The following OSBPL3 variants were observed in gnomAD, a reference collection of about 807,000 sequenced individuals.
The protein encoded by OSBPL3 is oxysterol binding protein like 3, also known as oxysterol-binding protein-related protein 3.
OSBPL3 carries 65 observed loss-of-function variants against 120.1 expected under a neutral mutation model. The observed-to-expected ratio is 0.54, with a 90% CI of 0.44 to 0.67. The LOEUF (loss-of-function observed/expected upper bound fraction) is 0.67, where lower values mean the gene tolerates loss of function less well. Among genes scored for constraint, OSBPL3 ranks in the 30% least tolerant of loss-of-function variants. The probability of loss-of-function intolerance (pLI) is 0.00; values close to 1 mark genes in which losing one functional copy is unlikely to be tolerated. For synonymous variants in OSBPL3, 416 were observed against 402.6 expected, an observed-to-expected ratio of 1.03 and a Z score of -0.40; for missense variants, 1,004 against 1,082.1, an observed-to-expected ratio of 0.93 and a Z score of 1.01.
chr7:24,845,200 T>C (rs1325951827), intron 12 of OSBPL3, among the ~76,000 whole-genome samples: 2 of 151,822 alleles, frequency 1.3e-5, no homozygotes, highest in Non-Finnish European at 2.9e-5. Flanking sequence ...CTGCATACCA[T>C]AATTTAGAAA....
At position 24,900,000 on chromosome 7, in the gene OSBPL3, T is replaced by C. The variant is rs1806750899; in HGVS notation, c.-149-7379A>G. On this transcript the variant is annotated intron_variant, in intron 1 of 22. Transcript: ENST00000313367. This position sits in a 1 kb window ranked among gnomAD's most constrained non-coding sequence, Gnocchi z 4.0. ...ATTTGACTCCAAGCCAATCCTTCTATTTGTGTATGTGTGACGTGGCAGAGG... is the reference window on the plus strand; with the variant it reads ...ATTTGACTCCAAGCCAATCCTTCTACTTGTGTATGTGTGACGTGGCAGAGG... 6.6e-6 allele frequency among the ~76,000 whole-genome samples: 1 copy of C among 152,204 alleles called. No homozygotes were observed. Among genetic ancestry groups the C allele is most frequent in the African/African-American group, 2.4e-5 (1 of 41,438 alleles).
At position 24,818,101 on chromosome 7, in the gene OSBPL3, T is replaced by C. The variant is rs1794690542; in HGVS notation, c.1949-1413A>G. Among the ~76,000 whole-genome samples, 1 of 152,114 alleles carries C rather than the reference T, an allele frequency of 6.6e-6. No individual in the cohort carries two copies. Among genetic ancestry groups the C allele is most frequent in the African/African-American group, 2.4e-5 (1 of 41,406 alleles). ...ATTGTTTAATCCTATTTATATAAAA[T>C]GCCCCAAACAGGCACATTTATAGGC... On this transcript the variant is annotated intron_variant, in intron 17 of 22. Transcript: ENST00000313367. This position sits in a 1 kb window ranked among gnomAD's most constrained non-coding sequence, Gnocchi z 4.0.
intron 1 of OSBPL3, among the ~76,000 whole-genome samples, chr7:24,895,912 C>G (rs1256510035): frequency 6.6e-6 from 1 of 152,176 alleles, no homozygotes; most frequent in Non-Finnish European, 1.5e-5. Flanking sequence ...GAATGTTACA[C>G]TTGCAAATAC....
chr7:24,865,476 G>A lies in OSBPL3; in HGVS notation c.550-11C>T, dbSNP rs377035876. ...TGATATACTGCTACGCTGTTCCACG[G>A]ATGACAAAAGCACATTGTAAATGGA... On this transcript the variant is annotated splice_polypyrimidine_tract_variant and intron_variant, in intron 6 of 22. Transcript: ENST00000313367. 1 of 1,612,336 alleles carries A rather than the reference G, an allele frequency of 6.2e-7. No homozygotes were observed. Among genetic ancestry groups the A allele is most frequent in the Non-Finnish European group, 8.5e-7 (1 of 1,179,098 alleles).
Position 24,800,865 on chromosome 7 carries a change from T to C in OSBPL3, c.2568-586A>G, listed in dbSNP as rs116191448. Among the ~76,000 whole-genome samples, 589 of 151,928 alleles carry C rather than the reference T, an allele frequency of 3.9e-3. 1 individual carries two copies. The highest frequency in any genetic ancestry group is 0.014 in the African/African-American group (564 of 41,410). Reference sequence around the variant, plus strand: ...TGTCATATACAAAACATAACTTGCATGACTGTCAGCACCTTGGGAATGACT... The same window carrying C: ...TGTCATATACAAAACATAACTTGCACGACTGTCAGCACCTTGGGAATGACT... On this transcript the variant is annotated intron_variant, in intron 22 of 22. Transcript: ENST00000313367.
In OSBPL3 at chr7:24,936,514, A is replaced by C. The variant is rs903862740; in HGVS notation, c.-150+43372T>G. 6.6e-5 allele frequency among the ~76,000 whole-genome samples: 10 copies of C among 152,228 alleles called. No homozygotes were observed. Among genetic ancestry groups the C allele is most frequent in the African/African-American group, 2.4e-4 (10 of 41,450 alleles). On this transcript the variant is annotated intron_variant, in intron 1 of 22. Transcript: ENST00000313367. This position sits in a 1 kb window ranked among gnomAD's most constrained non-coding sequence, Gnocchi z 4.2. ...CCTGGGAGTATATGGAGAAGTAAAC[A>C]GCCAATTCTGTCTAGGAGTGGGAAA... is the stretch of plus-strand genomic sequence containing the variant.
chr7:24,944,498 C>T (rs911614515), intron 1 of OSBPL3, among the ~76,000 whole-genome samples: 10 of 152,014 alleles, frequency 6.6e-5, no homozygotes, highest in Admixed American at 5.9e-4. Context: ...GGCATGGTGG[C>T]ACGTACCTGT....
Position 24,932,542 on chromosome 7 carries a change from G to A in OSBPL3, c.-149-39921C>T, listed in dbSNP as rs555683202. 6.6e-6 allele frequency among the ~76,000 whole-genome samples: 1 copy of A among 152,102 alleles called. No homozygotes were observed. Among genetic ancestry groups the A allele is most frequent in the Non-Finnish European group, 1.5e-5 (1 of 68,010 alleles). ...GAGGTGATTAGGTCATGAAGGCAGA[G>A]CCCTCATGAATGGGACTAGTGCCCT... On this transcript the variant is annotated intron_variant, in intron 1 of 22. Transcript: ENST00000313367. The surrounding 1 kb of genome is among the most constrained non-coding windows in gnomAD (Gnocchi z 5.6).
Position 24,885,574 on chromosome 7 carries a change from G to A in OSBPL3, c.96+6803C>T, listed in dbSNP as rs549890552. 2.6e-5 allele frequency among the ~76,000 whole-genome samples: 4 copies of A among 152,304 alleles called. No individual in the cohort carries two copies. The South Asian group carries it at 8.3e-4, about 32-fold the overall frequency. ...TAGATCTCTCCATTTCAAAACCCCT[G>A]CAATCATGAGTGAAGCACTTGTCAA... On this transcript the variant is annotated intron_variant, in intron 2 of 22. Coordinates refer to ENST00000313367, the MANE Select transcript of OSBPL3 (RefSeq NM_015550.4).
At position 24,849,300 on chromosome 7, in the gene OSBPL3, C is replaced by T. The variant is rs890721882; in HGVS notation, c.1159-124G>A. The T allele has an allele frequency of 1.4e-5, 9 of 664,844 alleles. No individual in the cohort carries two copies. Among genetic ancestry groups the T allele is most frequent in the Admixed American group, 2.9e-5 (1 of 34,326 alleles). 41.2% of individuals were successfully genotyped at this position (664,844 alleles called of 1,614,324 possible). A position where few individuals can be genotyped will look rare whatever the true frequency, so the allele number is the denominator to read the frequency against. On this transcript the variant is annotated intron_variant, in intron 11 of 22. Coordinates refer to ENST00000313367, the MANE Select transcript of OSBPL3 (RefSeq NM_015550.4). The surrounding 1 kb of genome is among the most constrained non-coding windows in gnomAD (Gnocchi z 5.4). ...AACTCTTAGTGACGTGGTCTGACAG[C>T]GCACTTTCTGGACTTTTTCCTTGAA... is the stretch of plus-strand genomic sequence containing the variant.
Position 24,806,097 on chromosome 7 carries a change from C to T in OSBPL3, c.2444+679G>A, listed in dbSNP as rs1269361819. Reference sequence around the variant, plus strand: ...TCAGCCTCCCAAGTAGTTGGGACTACGGGCATGTGCCACCACGCCTGGCTA... The same window carrying T: ...TCAGCCTCCCAAGTAGTTGGGACTATGGGCATGTGCCACCACGCCTGGCTA... On this transcript the variant is annotated intron_variant, in intron 21 of 22. Coordinates refer to ENST00000313367, the MANE Select transcript of OSBPL3 (RefSeq NM_015550.4). The surrounding 1 kb of genome is among the most constrained non-coding windows in gnomAD (Gnocchi z 5.2). 1.3e-5 allele frequency among the ~76,000 whole-genome samples: 2 copies of T among 152,296 alleles called. No individual in the cohort carries two copies. Among genetic ancestry groups the T allele is most frequent in the Non-Finnish European group, 1.5e-5 (1 of 68,024 alleles).
Position 24,808,549 on chromosome 7 carries a change from T to TA in OSBPL3, c.2317+1257dup, listed in dbSNP as rs1436332614. ...AAAATCTCATGCTTGCCTCTGAAGC[T>TA]AGGAAGGCTTCCACTGGTGCCAATT... On this transcript the variant is annotated intron_variant, in intron 20 of 22. Transcript: ENST00000313367. The surrounding 1 kb of genome is among the most constrained non-coding windows in gnomAD (Gnocchi z 4.6). 6.6e-6 allele frequency among the ~76,000 whole-genome samples: 1 copy of TA among 152,184 alleles called. No homozygotes were observed. Among genetic ancestry groups the TA allele is most frequent in the Non-Finnish European group, 1.5e-5 (1 of 68,032 alleles).
chr7:24,917,210 G>T lies in OSBPL3; in HGVS notation c.-149-24589C>A, dbSNP rs6961023. On this transcript the variant is annotated intron_variant, in intron 1 of 22. Transcript: ENST00000313367. ...CATGTTTTCCATAGGTCATCCTCCT[G>T]CCTCTTCCTTGTTCTCCATCTTAAG... 4.1e-3 allele frequency among the ~76,000 whole-genome samples: 617 copies of T among 151,690 alleles called. 3 individuals carry two copies. The highest frequency in any genetic ancestry group is 0.014 in the Middle Eastern group (4 of 292).
intron 14 of OSBPL3, among the ~76,000 whole-genome samples, chr7:24,838,571 T>G (rs745531472): frequency 6.6e-6 from 1 of 152,154 alleles, no homozygotes; most frequent in Non-Finnish European, 1.5e-5. Context: ...AGCTCTAACC[T>G]CTAAGCTTTT....
chr7:24,931,755 A>AG (rs1811818854), intron 1 of OSBPL3, among the ~76,000 whole-genome samples: 1 of 152,168 alleles, frequency 6.6e-6, no homozygotes, highest in African/African-American at 2.4e-5. Context: ...CTTTCCTAAA[A>AG]GAAAAAAAAA....
At chr7:24,845,186 G>C (rs761324464) in intron 12 of OSBPL3, among the ~76,000 whole-genome samples, 1 of 151,148 alleles carries the variant, frequency 6.6e-6, no homozygotes, top group Non-Finnish European at 1.5e-5. Flanking sequence ...CTACATTAAG[G>C]GTACTGCATA....
chr7:24,816,771 C>T lies in OSBPL3; in HGVS notation c.1949-83G>A, dbSNP rs917460772. 37 of 874,914 alleles carry T rather than the reference C, an allele frequency of 4.2e-5. No homozygotes were observed. In the Admixed American group the frequency reaches 5.0e-4, roughly 12 times the overall value. 54.2% of individuals were successfully genotyped at this position (874,914 alleles called of 1,614,324 possible). A position where few individuals can be genotyped will look rare whatever the true frequency, so the allele number is the denominator to read the frequency against. ...TTCCTAGGCTAGATAAATGATCAAT[C>T]GCTATATAGTACAACCTCTTCACAA... On this transcript the variant is annotated intron_variant, in intron 17 of 22. Transcript: ENST00000313367.
At position 24,891,928 on chromosome 7, in the gene OSBPL3, G is replaced by T. The variant is rs1805409834; in HGVS notation, c.96+449C>A. On this transcript the variant is annotated intron_variant, in intron 2 of 22. Coordinates refer to ENST00000313367, the MANE Select transcript of OSBPL3 (RefSeq NM_015550.4). This position sits in a 1 kb window ranked among gnomAD's most constrained non-coding sequence, Gnocchi z 4.1. ...AAGGTTTGATGAAGGGAAGAAAGTTGGGGTGGATATTATAATTACCAGAAA... is the reference window on the plus strand; with the variant it reads ...AAGGTTTGATGAAGGGAAGAAAGTTTGGGTGGATATTATAATTACCAGAAA... 1.3e-5 allele frequency among the ~76,000 whole-genome samples: 2 copies of T among 152,158 alleles called. No homozygotes were observed. Among genetic ancestry groups the T allele is most frequent in the Non-Finnish European group, 2.9e-5 (2 of 68,022 alleles).
chr7:24,954,048 C>G (rs1329108508), intron 1 of OSBPL3, among the ~76,000 whole-genome samples: 1 of 152,098 alleles, frequency 6.6e-6, no homozygotes, highest in Non-Finnish European at 1.5e-5. Flanking sequence ...TCATCCAAGA[C>G]CTTCCTTCCT....
Sources: gnomAD v4.1 joint callset for allele counts (sites outside exome capture counted in the v4.1 genomes callset) on GRCh38, gnomAD v4.1.1 for gene constraint, Gnocchi (gnomAD v3.1) non-coding constraint, MANE v1.5 for transcripts, NCBI Gene and HGNC (gene_info 2026-07-23, HGNC 2026-07-21) for gene names.